The following NAALADL2 variants were observed in gnomAD, a reference collection of about 807,000 sequenced individuals.
NAALADL2 encodes inactive N-acetylated-alpha-linked acidic dipeptidase-like protein 2.
In NAALADL2, 76 loss-of-function variants were observed where a neutral mutation model predicts 87.2. The observed-to-expected ratio is 0.87, with a 90% CI of 0.72 to 1.05. The LOEUF is 1.05. Ranked by LOEUF, NAALADL2 falls within the 50% of genes least tolerant of loss-of-function variation. The pLI is 0.00. For synonymous variants in NAALADL2, 354 were observed against 331.0 expected (o/e 1.07, Z -0.75); for missense variants, 1,089 against 945.8 (o/e 1.15, Z -1.99).
intron 10 of NAALADL2, among the ~76,000 whole-genome samples, chr3:175,616,111 G>A (rs1011402305): frequency 5.5e-5 from 8 of 146,026 alleles, no homozygotes; most frequent in African/African-American, 1.5e-4. Flanking sequence ...AATATTTATC[G>A]TATATATCAC....
chr3:175,045,574 G>C (rs954473749), intron 1 of NAALADL2, among the ~76,000 whole-genome samples: 4 of 152,038 alleles, frequency 2.6e-5, no homozygotes, highest in African/African-American at 9.7e-5. Flanking sequence ...ATGAATACTG[G>C]AAGAAGACAT....
intron 2 of NAALADL2, among the ~76,000 whole-genome samples, chr3:174,717,687 C>A (rs1469165000): frequency 6.6e-6 from 1 of 152,126 alleles, no homozygotes. Context: ...ATTTCAAATG[C>A]TCATGATTTC....
chr3:175,755,076 A>T (rs1009876402), intron 12 of NAALADL2, 144 bp from the exon 13 acceptor site: 1 of 631,600 alleles, frequency 1.6e-6, no homozygotes, highest in African/African-American at 1.9e-5. Flanking sequence ...GACAAAAAAA[A>T]AGAGAGAGAG....
intron 3 of NAALADL2, among the ~76,000 whole-genome samples, chr3:174,807,452 G>A (rs930197475): frequency 1.3e-5 from 2 of 152,014 alleles, no homozygotes; most frequent in Non-Finnish European, 2.9e-5. Flanking sequence ...AGCATTCACT[G>A]GATGCAAATT....
At chr3:175,187,127 A>T (rs1737463608) in intron 2 of NAALADL2, among the ~76,000 whole-genome samples, 2 of 152,092 alleles carry the variant, frequency 1.3e-5, no homozygotes, top group African/African-American at 4.8e-5. Context: ...TAGGGGAGGG[A>T]TTCCTACATT....
chr3:175,502,385 T>A (rs1729677820), intron 9 of NAALADL2, among the ~76,000 whole-genome samples: 2 of 152,256 alleles, frequency 1.3e-5, no homozygotes, highest in Admixed American at 1.3e-4. Context: ...ACAAAAAGCC[T>A]GACACTGCAA....
At chr3:175,648,538 T>C (rs1730330953) in intron 11 of NAALADL2, among the ~76,000 whole-genome samples, 1 of 151,318 alleles carries the variant, frequency 6.6e-6, no homozygotes, top group Non-Finnish European at 1.5e-5. Flanking sequence ...GACTGTTGAA[T>C]TATAAAGGAT....
chr3:174,802,747 C>A (rs1361344979), intron 3 of NAALADL2, among the ~76,000 whole-genome samples: 1 of 152,208 alleles, frequency 6.6e-6, no homozygotes, highest in Non-Finnish European at 1.5e-5. Context: ...GTTTTCTGTC[C>A]TTGTGACAGT....
chr3:175,113,078 T>A (rs1305153134), intron 2 of NAALADL2, among the ~76,000 whole-genome samples: 1 of 151,674 alleles, frequency 6.6e-6, no homozygotes, highest in East Asian at 1.9e-4. Context: ...TAGATTAGGA[T>A]AATTTCATGG....
At chr3:175,736,132 A>G (rs1312114408) in intron 11 of NAALADL2, among the ~76,000 whole-genome samples, 4 of 152,142 alleles carry the variant, frequency 2.6e-5, no homozygotes, top group South Asian at 2.1e-4. Context: ...GTCCTTTGAG[A>G]TGTGTATGAA....
At chr3:174,686,186 T>G (rs523920) in intron 2 of NAALADL2, among the ~76,000 whole-genome samples, 114,224 of 151,948 alleles carry the variant, frequency 0.75, 43,125 homozygotes, top group East Asian at 0.89. Context: ...CGTATACCCT[T>G]TAATGGGATT....
At chr3:175,052,148 A>G (rs1000781247) in intron 1 of NAALADL2, among the ~76,000 whole-genome samples, 1 of 152,238 alleles carries the variant, frequency 6.6e-6, no homozygotes, top group Non-Finnish European at 1.5e-5. Flanking sequence ...GGGTCTGGCT[A>G]GTTATCTGCA....
At chr3:175,208,184 G>A (rs866921814) in intron 2 of NAALADL2, among the ~76,000 whole-genome samples, 4 of 151,998 alleles carry the variant, frequency 2.6e-5, no homozygotes, top group Non-Finnish European at 4.4e-5. Context: ...TGATCCTACC[G>A]TTACTTATTT....
intron 2 of NAALADL2, among the ~76,000 whole-genome samples, chr3:174,586,448 T>C (rs1716732547): frequency 6.6e-6 from 1 of 152,090 alleles, no homozygotes; most frequent in Non-Finnish European, 1.5e-5. Context: ...TGGCACCGGG[T>C]TCAACAGACT....
intron 1 of NAALADL2, among the ~76,000 whole-genome samples, chr3:175,091,675 G>A (rs1239870081): frequency 2.6e-5 from 4 of 151,888 alleles, no homozygotes; most frequent in East Asian, 1.9e-4. Context: ...TCAGAATTAC[G>A]ATTACACATC....
intron 4 of NAALADL2, among the ~76,000 whole-genome samples, chr3:175,305,959 A>T (rs1757670649): frequency 6.6e-6 from 1 of 152,020 alleles, no homozygotes; most frequent in Non-Finnish European, 1.5e-5. Context: ...ACAAATCCTT[A>T]ATTTTTTTAA....
Position 174,698,873 on chromosome 3 carries a change from A to G in NAALADL2, c.-114-38768A>G, listed in dbSNP as rs571501384. Among the ~76,000 whole-genome samples, 17 of 95,696 alleles carry G rather than the reference A, an allele frequency of 1.8e-4. 3 individuals are homozygous for G. The highest frequency in any genetic ancestry group is 7.3e-4 in the African/African-American group (10 of 13,772). The allele number at this position is 95,696 out of a possible 152,430, so 62.8% of individuals were successfully genotyped here. On this transcript the variant is annotated intron_variant, in intron 2 of 3. Transcript: ENST00000434257. ...AGCGAGACTCCGTCTCAAAGAAGAA[A>G]AAAAAAAAAATTCTATTTAGAATCT...
intron 3 of NAALADL2, among the ~76,000 whole-genome samples, chr3:174,775,931 T>G (rs1560215073): frequency 6.6e-6 from 1 of 152,190 alleles, no homozygotes; most frequent in Non-Finnish European, 1.5e-5. Context: ...TAAGCACCTC[T>G]GAAAAACAGC....
chr3:174,584,940 C>G (rs1016692023), intron 2 of NAALADL2, among the ~76,000 whole-genome samples: 1 of 152,098 alleles, frequency 6.6e-6, no homozygotes, highest in South Asian at 2.1e-4. Flanking sequence ...TACCCTCATG[C>G]TCTTTTATAA....
Sources: gnomAD v4.1 joint callset for allele counts (sites outside exome capture counted in the v4.1 genomes callset) on GRCh38, gnomAD v4.1.1 for gene constraint, MANE v1.5 for transcripts, NCBI Gene and HGNC (gene_info 2026-07-23, HGNC 2026-07-21) for gene names.